The following TLK1 variants were observed in gnomAD, a reference collection of about 807,000 sequenced individuals.
The protein encoded by TLK1 is tousled like kinase 1, also known as serine/threonine-protein kinase tousled-like 1.
TLK1 carries 24 observed loss-of-function variants against 105.3 expected under a neutral mutation model. The observed-to-expected ratio is 0.23, with a 90% CI of 0.17 to 0.32. The LOEUF (loss-of-function observed/expected upper bound fraction) is 0.32, where lower values mean the gene tolerates loss of function less well. Ranked by LOEUF, TLK1 falls within the 10% of genes least tolerant of loss-of-function variation. The pLI, the probability that TLK1 is intolerant of heterozygous loss-of-function variation, is 1.00. For synonymous variants in TLK1, 321 were observed against 310.4 expected (o/e 1.03, Z -0.36); for missense variants, 558 against 910.5 (o/e 0.61, Z 4.98).
chr2:171,074,626 C>CAAAAAAAAAAA (rs372844435), intron 3 of TLK1, among the ~76,000 whole-genome samples: 3 of 89,944 alleles, frequency 3.3e-5, no homozygotes, highest in East Asian at 3.1e-4. Context: ...GACTCTGCCT[C>CAAAAAAAAAAA]AAAAAAAAAA....
chr2:171,005,165 G>A (rs1254241660), intron 18 of TLK1, among the ~76,000 whole-genome samples: 4 of 152,138 alleles, frequency 2.6e-5, no homozygotes, highest in Admixed American at 2.0e-4. Flanking sequence ...CACTCTTTAT[G>A]CTAAACTAAT....
intron 1 of TLK1, among the ~76,000 whole-genome samples, chr2:171,218,784 A>C (rs981525785): frequency 7.2e-5 from 11 of 152,202 alleles, no homozygotes; most frequent in African/African-American, 2.7e-4. Flanking sequence ...AATCCCATTC[A>C]TGACAGAGGA....
intron 1 of TLK1, among the ~76,000 whole-genome samples, chr2:171,131,217 A>T (rs1245407763): frequency 6.6e-6 from 1 of 152,208 alleles, no homozygotes; most frequent in African/African-American, 2.4e-5. Flanking sequence ...TATTTTTAAC[A>T]GGTTAAATCA....
intron 3 of TLK1, among the ~76,000 whole-genome samples, chr2:171,079,922 C>T (rs1688673637): frequency 6.6e-6 from 1 of 151,882 alleles, no homozygotes; most frequent in South Asian, 2.1e-4. Context: ...CAGAAAATGT[C>T]CAACTGGTGA....
chr2:171,050,255 A>G (rs963565136), intron 8 of TLK1, 81 bp from the exon 9 acceptor site: 3 of 944,166 alleles, frequency 3.2e-6, no homozygotes, highest in Non-Finnish European at 3.1e-6. Context: ...TTCTAAATAA[A>G]TTATATACAG....
At chr2:171,177,691 G>A (rs1352947191) in intron 1 of TLK1, among the ~76,000 whole-genome samples, 1 of 152,212 alleles carries the variant, frequency 6.6e-6, no homozygotes, top group Non-Finnish European at 1.5e-5. Context: ...GGTCCTTACT[G>A]AATAAGGCCC....
intron 1 of TLK1, among the ~76,000 whole-genome samples, chr2:171,202,191 C>T (rs1371152668): frequency 1.3e-5 from 2 of 152,218 alleles, no homozygotes; most frequent in Non-Finnish European, 2.9e-5. Context: ...CGCGGTGGCT[C>T]ACGCCTGTAA....
At chr2:171,226,859 C>T (rs1487241982) in intron 1 of TLK1, among the ~76,000 whole-genome samples, 2 of 152,112 alleles carry the variant, frequency 1.3e-5, no homozygotes, top group African/African-American at 2.4e-5. Flanking sequence ...TTATTTGCAG[C>T]TTCTGATAAG....
chr2:171,042,446 C>T (rs1206644493), intron 11 of TLK1, among the ~76,000 whole-genome samples: 2 of 151,920 alleles, frequency 1.3e-5, no homozygotes, highest in Admixed American at 1.3e-4. Flanking sequence ...TAGGGTCTTG[C>T]TCTGTTGCCC....
rs1278036726 is a variant in TLK1, at chr2:171,175,739, G to T, written c.-6+55406C>A. On this transcript the variant is annotated intron_variant, in intron 1 of 20. Coordinates refer to the TLK1 transcript ENST00000521943. ...ATTGCTCCCTTCTTCTTAAACCTCT[G>T]TCTTTATTTGACCTCTGGGACACTA... 2.0e-5 allele frequency among the ~76,000 whole-genome samples: 3 copies of T among 152,018 alleles called. No homozygotes were observed. The East Asian group carries it at 5.8e-4, about 29-fold the overall frequency.
chr2:171,086,991 T>TCA (rs1450848094), intron 2 of TLK1, among the ~76,000 whole-genome samples: 1 of 152,068 alleles, frequency 6.6e-6, no homozygotes, highest in Non-Finnish European at 1.5e-5. Context: ...AGCAGGGATG[T>TCA]CAGTGCTGCC....
chr2:171,026,805 T>C (rs775054240), intron 12 of TLK1, among the ~76,000 whole-genome samples: 5 of 152,100 alleles, frequency 3.3e-5, no homozygotes, highest in Non-Finnish European at 5.9e-5. Context: ...CTTTATATGG[T>C]TCTATCACTA....
Position 171,209,716 on chromosome 2 carries a change from TAAG to T in TLK1, c.-6+21426_-6+21428del, listed in dbSNP as rs1397819026. On this transcript the variant is annotated intron_variant, in intron 1 of 20. Transcript: ENST00000521943. ...TAATCCAATATGCCTGGAGTCCTTA[TAAG>T]AAGAGGAAATTTGGACACAGAATAT... Among the ~76,000 whole-genome samples the T allele has an allele frequency of 1.3e-4, 20 of 152,230 alleles. No homozygotes were observed. The Middle Eastern group carries it at 0.014, about 104-fold the overall frequency.
intron 1 of TLK1, among the ~76,000 whole-genome samples, chr2:171,157,286 T>C (rs1196105734): frequency 6.6e-6 from 1 of 152,212 alleles, no homozygotes; most frequent in Admixed American, 6.5e-5. Context: ...CAACTACTTA[T>C]CTAGCCAATA....
chr2:171,210,405 C>T (rs1477483955), intron 1 of TLK1, among the ~76,000 whole-genome samples: 1 of 152,006 alleles, frequency 6.6e-6, no homozygotes, highest in Non-Finnish European at 1.5e-5. Flanking sequence ...CACATACCAC[C>T]ACACCCAGCC....
intron 2 of TLK1, among the ~76,000 whole-genome samples, chr2:171,100,474 T>C (rs537489465): frequency 6.6e-6 from 1 of 152,206 alleles, no homozygotes; most frequent in South Asian, 2.1e-4. Context: ...TTCACACATA[T>C]CCACTTCCCC....
chr2:171,006,059 A>T, intron 18 of TLK1, 88 bp downstream of exon 18: 2 of 1,297,840 alleles, frequency 1.5e-6, no homozygotes, highest in Non-Finnish European at 1.0e-6. Flanking sequence ...CTTAATGGCT[A>T]CATGGAAATA....
chr2:171,163,230 T>C (rs1692549059), upstream of TLK1, among the ~76,000 whole-genome samples: 1 of 152,256 alleles, frequency 6.6e-6, no homozygotes, highest in African/African-American at 2.4e-5. Flanking sequence ...AAACTATTGA[T>C]GGACATTTGC....
In TLK1 at chr2:170,993,306, TAACTGCC is replaced by T. The variant is rs1683869548; in HGVS notation, c.*467_*473del. On this transcript the variant is annotated 3_prime_UTR_variant, in exon 21 of 21. Coordinates refer to ENST00000431350, the MANE Select transcript of TLK1 (RefSeq NM_012290.5). The stretch of plus-strand genomic sequence containing the variant: ...AGTTCTTACTTTGGTTTCAGCAGAT[TAACTGCC>T]AAATGCTGAAGAATGTATCCAGGCA... 1 of 152,716 alleles carries T rather than the reference TAACTGCC, an allele frequency of 6.5e-6. No homozygotes were observed. The highest frequency in any genetic ancestry group is 2.4e-5 in the African/African-American group (1 of 41,450). 9.5% of individuals were successfully genotyped at this position (152,716 alleles called of 1,614,324 possible).
Sources: allele counts gnomAD v4.1 joint callset (sites outside exome capture counted in the v4.1 genomes callset), GRCh38; gene constraint gnomAD v4.1.1; transcripts MANE v1.5; gene names NCBI Gene and HGNC (gene_info 2026-07-23, HGNC 2026-07-21).